Variants in SPTY2D1 observed in about 807,000 individuals in gnomAD.
SPTY2D1 encodes the protein protein SPT2 homolog.
In SPTY2D1, 21 loss-of-function variants were observed where a neutral mutation model predicts 64.0. That is an observed-to-expected ratio of 0.33 (90% CI 0.23 to 0.47). The LOEUF (loss-of-function observed/expected upper bound fraction) is 0.47. Among genes scored for constraint, SPTY2D1 ranks in the 20% least tolerant of loss-of-function variants. The pLI, the probability that SPTY2D1 is intolerant of heterozygous loss-of-function variation, is 1.00. For synonymous variants in SPTY2D1, 287 were observed against 286.8 expected (o/e 1.00, Z -0.01); for missense variants, 724 against 837.2 (o/e 0.86, Z 1.67).
At chr11:18,611,579 A>T in intron 4 of SPTY2D1, 25 bp from the exon 5 acceptor site, 1 of 1,599,036 alleles carries the variant, frequency 6.3e-7, no homozygotes, top group Non-Finnish European at 8.5e-7. Context: ...TCAAAATGAT[A>T]AAAAGAGAAA....
chr11:18,612,297 ATCT>A lies in SPTY2D1; in HGVS notation c.1886+14_1886+16del, dbSNP rs757240456. 3 of 1,568,464 alleles carry A rather than the reference ATCT, an allele frequency of 1.9e-6. No homozygotes were observed. The East Asian group carries it at 6.8e-5, about 35-fold the overall frequency. ...AAAAAAGGATGTCATAGTTATCTGA[ATCT>A]TCTTTAGTCTTACTTTTTTCGGTCA... On this transcript the variant is annotated intron_variant, in intron 4 of 5. Coordinates refer to ENST00000336349, the MANE Select transcript of SPTY2D1 (RefSeq NM_194285.3). The surrounding 1 kb of genome is among the most constrained non-coding windows in gnomAD (Gnocchi z 4.6).
intron 5 of SPTY2D1, among the ~76,000 whole-genome samples, chr11:18,610,477 C>T (rs551878638): frequency 6.6e-6 from 1 of 151,836 alleles, no homozygotes; most frequent in South Asian, 2.1e-4. Flanking sequence ...GCCTGGCCAA[C>T]ATATGGTGAA....
At chr11:18,626,112 C>G (rs1854493723) in intron 1 of SPTY2D1, among the ~76,000 whole-genome samples, 1 of 152,212 alleles carries the variant, frequency 6.6e-6, no homozygotes. Flanking sequence ...GCCACAATGC[C>G]TGGCTCCACC....
In SPTY2D1 at chr11:18,607,358, G is replaced by A. The variant is rs1854125827; in HGVS notation, c.*2503C>T. ...CAATATCAAAAGCAAGTGGGACTGT[G>A]CAATCAGAGCCATGAGTTTTATGAA... is the stretch of plus-strand genomic sequence containing the variant. On this transcript the variant is annotated 3_prime_UTR_variant, in exon 6 of 6. Coordinates refer to ENST00000336349, the MANE Select transcript of SPTY2D1 (RefSeq NM_194285.3). 6.6e-6 allele frequency: 1 copy of A among 152,670 alleles called. No homozygotes were observed. The highest frequency in any genetic ancestry group is 1.5e-5 in the Non-Finnish European group (1 of 68,072). 9.5% of individuals were successfully genotyped at this position (152,670 alleles called of 1,614,324 possible). A position where few individuals can be genotyped will look rare whatever the true frequency, so the allele number is the denominator to read the frequency against.
rs1205184355 is a variant in SPTY2D1 at position 18,614,552 on chromosome 11, G to T, written c.1711+11C>A. On this transcript the variant is annotated intron_variant, in intron 3 of 5. Coordinates refer to ENST00000336349, the MANE Select transcript of SPTY2D1 (RefSeq NM_194285.3). ...CAAATATATACTCTTTCGGGTGAGG[G>T]GAAATTTTACCTTGGGCAGCTCTGT... The T allele has an allele frequency of 1.9e-6, 3 of 1,591,654 alleles. No individual in the cohort carries two copies. In the Admixed American group the frequency reaches 5.3e-5, roughly 28 times the overall value.
At chr11:18,628,038 ACT>A (rs1218504660) in intron 1 of SPTY2D1, among the ~76,000 whole-genome samples, 2 of 152,064 alleles carry the variant, frequency 1.3e-5, no homozygotes, top group Non-Finnish European at 2.9e-5. Context: ...ACAGAGCAAG[ACT>A]CTGTCTCCAA....
intron 5 of SPTY2D1, among the ~76,000 whole-genome samples, chr11:18,610,680 AAAAAAAAAC>A (rs1383198013): frequency 6.6e-6 from 1 of 150,846 alleles, no homozygotes; most frequent in Non-Finnish European, 1.5e-5. Flanking sequence ...AAAAAAAAAA[AAAAAAAAAC>A]AACAATACTA....
At chr11:18,614,500 TAA>T in intron 3 of SPTY2D1, 61 bp downstream of exon 3, 1 of 1,500,518 alleles carries the variant, frequency 6.7e-7, no homozygotes, top group Non-Finnish European at 9.0e-7. Flanking sequence ...CCTGATAATA[TAA>T]AAACTCTTTC....
At position 18,615,933 on chromosome 11, in the gene SPTY2D1, T is replaced by C. The variant is rs758811588; in HGVS notation, c.341A>G (p.His114Arg). 3.7e-6 allele frequency: 6 copies of C among 1,614,200 alleles called. No homozygotes were observed. The Admixed American group carries it at 5.0e-5, about 13-fold the overall frequency. ...KSKKRQATES[H>R]TSQGTDREYE... ...CTCTCGGTCGGTTCCTTGGCTGGTA[T>C]GGCTTTCTGTTGCCTGCCTCTTCTT... The change falls in exon 3 of 6, where the codon CAT (histidine) becomes CGT (arginine). Residue 114 changes from histidine (H) to arginine (R), a missense_variant. Physicochemically the swap from His to Arg is conservative, Grantham distance 29. Coordinates refer to ENST00000336349, the MANE Select transcript of SPTY2D1 (RefSeq NM_194285.3).
chr11:18,616,170 C>A (rs1590401374), intron 2 of SPTY2D1, 72 bp from the exon 3 acceptor site: 2 of 1,368,574 alleles, frequency 1.5e-6, no homozygotes, highest in East Asian at 4.6e-5. Context: ...AGTGAAAACA[C>A]AACGTTCAGG....
At chr11:18,619,001 A>T (rs1854347200) in intron 1 of SPTY2D1, among the ~76,000 whole-genome samples, 1 of 152,218 alleles carries the variant, frequency 6.6e-6, no homozygotes, top group Admixed American at 6.5e-5. Flanking sequence ...ATATCTTTGT[A>T]AATTTAATTT....
intron 1 of SPTY2D1, among the ~76,000 whole-genome samples, chr11:18,629,831 G>A (rs934556856): frequency 1.3e-5 from 2 of 152,072 alleles, no homozygotes; most frequent in African/African-American, 2.4e-5. Flanking sequence ...TGATGATTAG[G>A]GAAATACTCA....
chr11:18,609,112 TCAG>T lies in SPTY2D1; in HGVS notation c.*746_*748del, dbSNP rs1027999853. The T allele has an allele frequency of 8.5e-5, 13 of 152,328 alleles. No homozygotes were observed. Among genetic ancestry groups the T allele is most frequent in the African/African-American group, 3.1e-4 (13 of 41,582 alleles). The allele number at this position is 152,328 out of a possible 1,614,324, so 9.4% of individuals were successfully genotyped here. On this transcript the variant is annotated 3_prime_UTR_variant, in exon 6 of 6. Coordinates refer to ENST00000336349, the MANE Select transcript of SPTY2D1 (RefSeq NM_194285.3). ...ATGAATTTTTTTAGATAAAAATCAA[TCAG>T]CACAGTGACCTTGTCTTACACTAAA...
intron 1 of SPTY2D1, among the ~76,000 whole-genome samples, chr11:18,619,227 C>T (rs1278449288): frequency 2.0e-5 from 3 of 152,046 alleles, no homozygotes; most frequent in Non-Finnish European, 2.9e-5. Flanking sequence ...CAAATGAAGA[C>T]ATACAAAAAA....
Position 18,629,031 on chromosome 11 carries a change from T to C in SPTY2D1, c.60+5167A>G, listed in dbSNP as rs562410279. ...TATGGTTCTTATCCTTAAGGGGCTA[T>C]AGGCAGACCCCCAAATTCTGGTATA... On this transcript the variant is annotated intron_variant, in intron 1 of 5. Transcript: ENST00000336349. 1.4e-4 allele frequency among the ~76,000 whole-genome samples: 21 copies of C among 152,312 alleles called. No homozygotes were observed. In the South Asian group the frequency reaches 4.1e-3, roughly 30 times the overall value.
At chr11:18,618,907 C>T (rs1296397460) in intron 1 of SPTY2D1, among the ~76,000 whole-genome samples, 1 of 152,132 alleles carries the variant, frequency 6.6e-6, no homozygotes, top group Non-Finnish European at 1.5e-5. Context: ...GTGACATATC[C>T]CTAATAGAGA....
intron 1 of SPTY2D1, among the ~76,000 whole-genome samples, chr11:18,630,077 G>A (rs1268964999): frequency 6.6e-6 from 1 of 152,052 alleles, no homozygotes; most frequent in African/African-American, 2.4e-5. Flanking sequence ...GCTAAGCCAA[G>A]AGAATGGCTT....
rs1854124910 is a variant in SPTY2D1 at position 18,607,282 on chromosome 11, T to A, written c.*2579A>T. 6.5e-6 allele frequency: 1 copy of A among 152,846 alleles called. No individual in the cohort carries two copies. The highest frequency in any genetic ancestry group is 2.4e-5 in the African/African-American group (1 of 41,434). The allele number at this position is 152,846 out of a possible 1,614,324, so 9.5% of individuals were successfully genotyped here. On this transcript the variant is annotated 3_prime_UTR_variant, in exon 6 of 6. Coordinates refer to ENST00000336349, the MANE Select transcript of SPTY2D1 (RefSeq NM_194285.3). ...AACTGCATTTATAGTTTAGCGAAAA[T>A]ACAAAGTTCTGAAAGTAGCCTTAAA... is the stretch of plus-strand genomic sequence containing the variant.
At chr11:18,624,650 G>A (rs1025625562) in intron 1 of SPTY2D1, among the ~76,000 whole-genome samples, 4 of 152,210 alleles carry the variant, frequency 2.6e-5, no homozygotes, top group Non-Finnish European at 4.4e-5. Flanking sequence ...AAAATAAGGA[G>A]ACATTAGTCT....
Sources: gnomAD v4.1 joint callset for allele counts (sites outside exome capture counted in the v4.1 genomes callset) on GRCh38, gnomAD v4.1.1 for gene constraint, Gnocchi (gnomAD v3.1) non-coding constraint, MANE v1.5 for transcripts, NCBI Gene and HGNC (gene_info 2026-07-23, HGNC 2026-07-21) for gene names.